Variants in PPP2R5E observed in about 807,000 individuals in gnomAD.
PPP2R5E encodes the protein serine/threonine-protein phosphatase 2A 56 kDa regulatory subunit epsilon isoform.
Under a neutral mutation model 65.3 loss-of-function variants are expected in PPP2R5E, and 4 were observed. The ratio of observed to expected loss-of-function variants is 0.06; its 90% CI spans 0.03 to 0.14. The LOEUF (loss-of-function observed/expected upper bound fraction) is 0.14, where lower values mean the gene tolerates loss of function less well. Among genes scored for constraint, PPP2R5E ranks in the 10% least tolerant of loss-of-function variants. The probability of loss-of-function intolerance (pLI) is 1.00; values close to 1 mark genes in which losing one functional copy is unlikely to be tolerated. For missense variants in PPP2R5E, 274 were observed against 556.1 expected (o/e 0.49, Z 5.10); for synonymous variants, 183 against 187.4 (o/e 0.98, Z 0.19).
chr14:63,483,178 T>C (rs898255836), intron 2 of PPP2R5E, among the ~76,000 whole-genome samples: 1 of 151,876 alleles, frequency 6.6e-6, no homozygotes, highest in Non-Finnish European at 1.5e-5. Context: ...TAAAAAATCA[T>C]ACAGTATGTT....
intron 3 of PPP2R5E, among the ~76,000 whole-genome samples, chr14:63,446,874 T>C (rs1163850279): frequency 2.0e-5 from 3 of 151,892 alleles, no homozygotes; most frequent in Admixed American, 6.6e-5. Context: ...TTCATCTCCT[T>C]GTATATCTCC....
intron 13 of PPP2R5E, among the ~76,000 whole-genome samples, chr14:63,380,995 G>A (rs969706619): frequency 6.6e-6 from 1 of 152,106 alleles, no homozygotes; most frequent in Non-Finnish European, 1.5e-5. Flanking sequence ...ATGAACACTC[G>A]CACACATCTC....
chr14:63,463,251 T>C (rs539865548), intron 2 of PPP2R5E, among the ~76,000 whole-genome samples: 7 of 151,004 alleles, frequency 4.6e-5, no homozygotes, highest in African/African-American at 1.7e-4. Flanking sequence ...GTGATTCTCC[T>C]GCCTCAGCCT....
At chr14:63,541,128 C>A (rs890343046) in intron 1 of PPP2R5E, among the ~76,000 whole-genome samples, 2 of 152,144 alleles carry the variant, frequency 1.3e-5, no homozygotes, top group Non-Finnish European at 2.9e-5. Flanking sequence ...ATGGGATGTG[C>A]TATGTTAGCT....
In PPP2R5E at chr14:63,463,364, A is replaced by C. The variant is rs113877513; in HGVS notation, c.158-9479T>G. ...ACCATGTTGGCCAGGATGGTATCGA[A>C]CTCCTGGCCTCGTGATCGCCCACCT... On this transcript the variant is annotated intron_variant, in intron 2 of 13. Transcript: ENST00000337537. Among the ~76,000 whole-genome samples, 366 of 150,600 alleles carry C rather than the reference A, an allele frequency of 2.4e-3. 2 individuals are homozygous for C. Among genetic ancestry groups the C allele is most frequent in the African/African-American group, 8.5e-3 (348 of 41,064 alleles).
intron 5 of PPP2R5E, among the ~76,000 whole-genome samples, chr14:63,403,047 C>T (rs974020033): frequency 3.3e-5 from 5 of 152,064 alleles, no homozygotes; most frequent in Non-Finnish European, 2.9e-5. Flanking sequence ...TTCTTAATAC[C>T]CACACTGGAA....
At chr14:63,413,769 C>A (rs1008693538) in intron 5 of PPP2R5E, among the ~76,000 whole-genome samples, 19 of 152,182 alleles carry the variant, frequency 1.2e-4, no homozygotes, top group African/African-American at 4.6e-4. Flanking sequence ...CCTATTTACC[C>A]CGTGATCCAC....
intron 2 of PPP2R5E, among the ~76,000 whole-genome samples, chr14:63,476,847 TAAG>T (rs1273688295): frequency 6.6e-6 from 1 of 152,144 alleles, no homozygotes; most frequent in Non-Finnish European, 1.5e-5. Context: ...CTTAACTGAA[TAAG>T]AAGCTACTTT....
At chr14:63,384,597 TAAGAG>T in intron 11 of PPP2R5E, 26 bp from the exon 12 acceptor site, 1 of 1,561,740 alleles carries the variant, frequency 6.4e-7, no homozygotes, top group Non-Finnish European at 8.7e-7. Context: ...AATAAAATGT[TAAGAG>T]AGAGAAAAAG....
intron 2 of PPP2R5E, among the ~76,000 whole-genome samples, chr14:63,530,630 C>CTTTTTTTTTTTTTT (rs954359159): frequency 1.2e-5 from 1 of 81,294 alleles, no homozygotes. Flanking sequence ...CTCTCAATTT[C>CTTTTTTTTTTTTTT]TTTTTTTTTT....
Position 63,373,996 on chromosome 14 carries a change from A to G in PPP2R5E, c.*2013T>C, listed in dbSNP as rs1883833821. 7.0e-6 allele frequency: 1 copy of G among 143,088 alleles called. No homozygotes were observed. Among genetic ancestry groups the G allele is most frequent in the African/African-American group, 2.7e-5 (1 of 37,252 alleles). The allele number at this position is 143,088 out of a possible 1,614,324, so 8.9% of individuals were successfully genotyped here. ...CCAACTTTACAGTGAATCCCCATCA[A>G]TGTTCTTTAAAAAAAAAAAAAAAAA... On this transcript the variant is annotated 3_prime_UTR_variant, in exon 14 of 14. Coordinates refer to ENST00000337537, the MANE Select transcript of PPP2R5E (RefSeq NM_006246.5).
chr14:63,396,888 G>A lies in PPP2R5E; in HGVS notation c.550-172C>T, dbSNP rs192445512. ...TATCATGATAAACAAGTCAGACAAG[G>A]AGCTTATATTCCACTAAAGAAATAC... is the stretch of plus-strand genomic sequence containing the variant. On this transcript the variant is annotated intron_variant, in intron 5 of 13. Coordinates refer to ENST00000337537, the MANE Select transcript of PPP2R5E (RefSeq NM_006246.5). Among the ~76,000 whole-genome samples, 804 of 152,216 alleles carry A rather than the reference G, an allele frequency of 5.3e-3. 48 individuals are homozygous for A. The East Asian group carries it at 0.13, about 25-fold the overall frequency.
intron 2 of PPP2R5E, among the ~76,000 whole-genome samples, chr14:63,491,378 TA>T (rs1040496930): frequency 6.7e-6 from 1 of 149,770 alleles, no homozygotes; most frequent in African/African-American, 2.5e-5. Context: ...TCTATAATTT[TA>T]AAAAAAAAGC....
chr14:63,381,688 C>T (rs752079704), intron 13 of PPP2R5E, among the ~76,000 whole-genome samples: 9 of 152,180 alleles, frequency 5.9e-5, no homozygotes, highest in Admixed American at 4.6e-4. Context: ...ACATATACCA[C>T]GGTGGTCCCA....
intron 2 of PPP2R5E, among the ~76,000 whole-genome samples, chr14:63,480,278 T>C (rs1890629152): frequency 6.6e-6 from 1 of 151,948 alleles, no homozygotes; most frequent in Admixed American, 6.6e-5. Context: ...GCCAACATGG[T>C]GAAACTCTGT....
rs1885405003 is a variant in PPP2R5E, at chr14:63,396,487, G to T, written c.680+99C>A. 12 of 1,442,034 alleles carry T rather than the reference G, an allele frequency of 8.3e-6. No individual in the cohort carries two copies. The South Asian group carries it at 1.7e-4, about 20-fold the overall frequency. 89.3% of individuals were successfully genotyped at this position (1,442,034 alleles called of 1,614,324 possible). A position where few individuals can be genotyped will look rare whatever the true frequency, so the allele number is the denominator to read the frequency against. On this transcript the variant is annotated intron_variant, in intron 6 of 13. Transcript: ENST00000337537. ...AGGAAGGCAGGCAGAAAGGGAGAAA[G>T]AGAAGTCAGTACACCGTTTTCAGAT...
At position 63,526,496 on chromosome 14, in the gene PPP2R5E, CTCTT is replaced by C. The variant is rs761555734; in HGVS notation, c.157+13029_157+13032del. ...ATCCTGTCCTGGGAAACAACTTTCT[CTCTT>C]TCTGTCTCTCTGTCTCTCTTTCTCT... is the stretch of plus-strand genomic sequence containing the variant. On this transcript the variant is annotated intron_variant, in intron 2 of 13. Coordinates refer to ENST00000337537, the MANE Select transcript of PPP2R5E (RefSeq NM_006246.5). 4.6e-5 allele frequency among the ~76,000 whole-genome samples: 7 copies of C among 152,240 alleles called. No individual in the cohort carries two copies. In the South Asian group the frequency reaches 6.2e-4, roughly 14 times the overall value.
At chr14:63,383,984 T>TC (rs1226306951) in intron 12 of PPP2R5E, among the ~76,000 whole-genome samples, 3 of 152,118 alleles carry the variant, frequency 2.0e-5, no homozygotes, top group African/African-American at 4.8e-5. Context: ...TCTAGCACCC[T>TC]CCCCAAAAGA....
At chr14:63,427,663 C>T (rs767311850) in intron 3 of PPP2R5E, among the ~76,000 whole-genome samples, 3 of 152,042 alleles carry the variant, frequency 2.0e-5, no homozygotes, top group Admixed American at 1.3e-4. Context: ...AAGTCACTGG[C>T]CTGGCCTCCA....
Sources: gnomAD v4.1 joint callset for allele counts (sites outside exome capture counted in the v4.1 genomes callset) on GRCh38, gnomAD v4.1.1 for gene constraint, MANE v1.5 for transcripts, NCBI Gene and HGNC (gene_info 2026-07-23, HGNC 2026-07-21) for gene names.